The following CACNA2D1 variants were observed in gnomAD, a reference collection of about 807,000 sequenced individuals.
The protein encoded by CACNA2D1 is voltage-dependent calcium channel subunit alpha-2/delta-1.
CACNA2D1 carries 53 observed loss-of-function variants against 171.5 expected under a neutral mutation model. That is an observed-to-expected ratio of 0.31 (90% CI 0.25 to 0.39). CACNA2D1 has a LOEUF of 0.39. Ranked by LOEUF, CACNA2D1 falls within the 10% of genes least tolerant of loss-of-function variation. The pLI, the probability that CACNA2D1 is intolerant of heterozygous loss-of-function variation, is 1.00. For missense variants in CACNA2D1, 903 were observed against 1,299.8 expected, an observed-to-expected ratio of 0.69 and a Z score of 4.69; for synonymous variants, 442 against 443.1, an observed-to-expected ratio of 1.00 and a Z score of 0.03.
At chr7:82,222,536 T>C (rs1801879062) in intron 3 of CACNA2D1, among the ~76,000 whole-genome samples, 1 of 152,184 alleles carries the variant, frequency 6.6e-6, no homozygotes, top group African/African-American at 2.4e-5. Context: ...TTCTACTCCA[T>C]GGATCAAATG....
At chr7:82,407,493 G>A (rs1276801092) in intron 1 of CACNA2D1, among the ~76,000 whole-genome samples, 5 of 152,022 alleles carry the variant, frequency 3.3e-5, no homozygotes, top group Admixed American at 6.6e-5. Context: ...TCTAGTAAGA[G>A]CAATGCTTGC....
intron 6 of CACNA2D1, among the ~76,000 whole-genome samples, chr7:82,092,769 T>TTAAAA (rs1248734348): frequency 6.6e-6 from 1 of 151,992 alleles, no homozygotes; most frequent in African/African-American, 2.4e-5. Flanking sequence ...TTCTATTCTA[T>TTAAAA]ATTTTAGAGT....
intron 36 of CACNA2D1, 137 bp downstream of exon 36, chr7:81,961,757 T>A: frequency 1.4e-6 from 1 of 736,318 alleles, no homozygotes; most frequent in Non-Finnish European, 2.3e-6. Context: ...TTAAAACAAT[T>A]ACTCACATCT....
intron 5 of CACNA2D1, among the ~76,000 whole-genome samples, chr7:82,120,313 G>A (rs544769469): frequency 2.0e-5 from 3 of 152,012 alleles, no homozygotes; most frequent in East Asian, 1.9e-4. Flanking sequence ...ATACATCCTG[G>A]TTTTTTGTAG....
chr7:82,060,562 C>A (rs1450416064), intron 9 of CACNA2D1, 35 bp from the exon 10 acceptor site: 2 of 1,187,808 alleles, frequency 1.7e-6, no homozygotes, highest in Non-Finnish European at 2.5e-6. Flanking sequence ...ACATGTTACT[C>A]ATCATGTATT....
chr7:82,055,948 A>ATATATATATATATATAT (rs1554377773), intron 10 of CACNA2D1, among the ~76,000 whole-genome samples: 16 of 131,036 alleles, frequency 1.2e-4, no homozygotes, highest in Non-Finnish European at 1.8e-4. Context: ...ATATATATAT[A>ATATATATATATATATAT]ATTTTTTAAA....
chr7:82,433,404 T>G (rs1473662054), intron 1 of CACNA2D1, among the ~76,000 whole-genome samples: 1 of 152,204 alleles, frequency 6.6e-6, no homozygotes, highest in Admixed American at 6.5e-5. Flanking sequence ...TACTAATGTG[T>G]ATGTATTACA....
At chr7:82,237,454 A>T (rs888919963) in intron 3 of CACNA2D1, among the ~76,000 whole-genome samples, 6 of 151,850 alleles carry the variant, frequency 4.0e-5, no homozygotes, top group Non-Finnish European at 8.8e-5. Flanking sequence ...TCCTACCTCC[A>T]ATCTTCTGTG....
intron 21 of CACNA2D1, among the ~76,000 whole-genome samples, chr7:81,989,615 G>A: frequency 6.6e-6 from 1 of 152,182 alleles, no homozygotes; most frequent in Non-Finnish European, 1.5e-5. Flanking sequence ...CTACCGCTAA[G>A]GCCCACTTGA....
At chr7:82,386,344 C>G (rs1234779171) in intron 1 of CACNA2D1, among the ~76,000 whole-genome samples, 2 of 152,118 alleles carry the variant, frequency 1.3e-5, no homozygotes, top group Non-Finnish European at 2.9e-5. Context: ...TCAAAATATA[C>G]TTTGGAATAC....
Position 82,252,313 on chromosome 7 carries a change from T to C in CACNA2D1, c.295-81704A>G, listed in dbSNP as rs569733825. Among the ~76,000 whole-genome samples, 56 of 152,268 alleles carry C rather than the reference T, an allele frequency of 3.7e-4. 1 individual carries two copies. The South Asian group carries it at 7.1e-3, about 19-fold the overall frequency. The stretch of plus-strand genomic sequence containing the variant: ...GCTTATAGCACTCATTTTTCCAAAG[T>C]AAAGAGAGGTGAAGTTACTTGCCTT... On this transcript the variant is annotated intron_variant, in intron 3 of 38. Transcript: ENST00000356860.
chr7:81,990,642 G>A (rs1278390637), intron 21 of CACNA2D1, among the ~76,000 whole-genome samples: 2 of 152,122 alleles, frequency 1.3e-5, no homozygotes, highest in Non-Finnish European at 2.9e-5. Context: ...AGGAGAGTTA[G>A]AGCAAGAAAG....
At position 82,336,648 on chromosome 7, in the gene CACNA2D1, G is replaced by T. The variant is rs111862132; in HGVS notation, c.178-1397C>A. On this transcript the variant is annotated intron_variant, in intron 2 of 38. Transcript: ENST00000356860. ...GCTAAGAAGCAGATTATTGAATTCT[G>T]TTTTTTAAAGACCCATATCATCCAT... 8.6e-3 allele frequency among the ~76,000 whole-genome samples: 1,311 copies of T among 152,212 alleles called. 28 individuals carry two copies. The South Asian group carries it at 0.095, about 11-fold the overall frequency.
At chr7:81,957,575 T>C (rs1389730843) in intron 38 of CACNA2D1, among the ~76,000 whole-genome samples, 1 of 151,882 alleles carries the variant, frequency 6.6e-6, no homozygotes, top group African/African-American at 2.4e-5. Flanking sequence ...AAGTAGCAAG[T>C]ATAGGAAAAG....
chr7:82,441,026 CATA>C (rs941796053), intron 1 of CACNA2D1, among the ~76,000 whole-genome samples: 1 of 151,318 alleles, frequency 6.6e-6, no homozygotes, highest in Non-Finnish European at 1.5e-5. Context: ...CATACAGAAG[CATA>C]ATAATTTGCC....
intron 4 of CACNA2D1, among the ~76,000 whole-genome samples, chr7:82,154,598 T>TA (rs1258573683): frequency 1.3e-5 from 2 of 151,968 alleles, no homozygotes; most frequent in South Asian, 2.1e-4. Flanking sequence ...AGCTTAAATT[T>TA]AAAAAAAGAT....
intron 3 of CACNA2D1, among the ~76,000 whole-genome samples, chr7:82,256,275 C>A (rs1806295774): frequency 6.6e-6 from 1 of 152,056 alleles, no homozygotes; most frequent in Non-Finnish European, 1.5e-5. Context: ...GCCTGGGTGA[C>A]AGAGTAAGAC....
intron 3 of CACNA2D1, among the ~76,000 whole-genome samples, chr7:82,231,132 T>G (rs1802887054): frequency 6.6e-6 from 1 of 152,246 alleles, no homozygotes; most frequent in Non-Finnish European, 1.5e-5. Context: ...TGTTTGTGCT[T>G]CAGAGCTCAG....
intron 3 of CACNA2D1, among the ~76,000 whole-genome samples, chr7:82,288,383 AGGAGCACT>A (rs1238309183): frequency 6.6e-6 from 1 of 151,420 alleles, no homozygotes; most frequent in Non-Finnish European, 1.5e-5. Flanking sequence ...GGACTATAGA[AGGAGCACT>A]CACATTAAAA....
Sources: gnomAD v4.1 joint callset for allele counts (sites outside exome capture counted in the v4.1 genomes callset) on GRCh38, gnomAD v4.1.1 for gene constraint, MANE v1.5 for transcripts, NCBI Gene and HGNC (gene_info 2026-07-23, HGNC 2026-07-21) for gene names.